PCDH1: variants seen among roughly 807,000 people sequenced by gnomAD.
PCDH1 encodes the protein protocadherin-1.
PCDH1 carries 23 observed loss-of-function variants against 74.6 expected under a neutral mutation model. The observed-to-expected ratio is 0.31, with a 90% CI of 0.22 to 0.44. The LOEUF is 0.44. Ranked by LOEUF, PCDH1 falls within the 20% of genes least tolerant of loss-of-function variation. The pLI, the probability that PCDH1 is intolerant of heterozygous loss-of-function variation, is 1.00. For synonymous variants in PCDH1, 647 were observed against 686.1 expected (o/e 0.94, Z 0.89); for missense variants, 1,214 against 1,641.4 (o/e 0.74, Z 4.50).
In PCDH1 at chr5:141,864,465, C is replaced by T. The variant is rs776986291; in HGVS notation, c.1866G>A (p.Met622Ile). The part of the protein sequence containing the change: ...FMLSGYNFSV[M>I]ENMPALSPVG... The stretch of plus-strand genomic sequence containing the variant: ...CTGGACTCAGTGCTGGCATGTTCTC[C>T]ATCACTGAGAAGTTGTAGCCACTCA... The change falls in exon 3 of 5, where the codon ATG (methionine) becomes ATA (isoleucine). Residue 622 changes from methionine to isoleucine, a missense_variant. Met to Ile is a conservative substitution (Grantham distance 10). Around this residue, in one of 4 missense-constraint regions of PCDH1, gnomAD observed 836 missense variants for 1,182.2 expected, o/e 0.71. Coordinates refer to ENST00000287008, the MANE Select transcript of PCDH1 (RefSeq NM_032420.5). This position sits in a 1 kb window ranked among gnomAD's most constrained non-coding sequence, Gnocchi z 5.9. 1.2e-6 allele frequency: 2 copies of T among 1,614,028 alleles called. No homozygotes were observed. Among genetic ancestry groups the T allele is most frequent in the Admixed American group, 1.7e-5 (1 of 60,004 alleles).
intron 2 of PCDH1, among the ~76,000 whole-genome samples, chr5:141,866,565 CAG>C (rs968739286): frequency 2.0e-5 from 3 of 152,132 alleles, no homozygotes; most frequent in African/African-American, 4.8e-5. Context: ...CATAACTTGG[CAG>C]AGTCTCTGGG....
Position 141,863,848 on chromosome 5 carries a change from T to C in PCDH1, c.2483A>G (p.His828Arg). 1 of 1,614,168 alleles carries C rather than the reference T, an allele frequency of 6.2e-7. No homozygotes were observed. Among genetic ancestry groups the C allele is most frequent in the Non-Finnish European group, 8.5e-7 (1 of 1,180,016 alleles). Residue 828 changes from histidine to arginine, a missense_variant, in exon 3 of 5, where the codon CAC (histidine) becomes CGC (arginine). His to Arg is a conservative substitution (Grantham distance 29). Around this residue, in one of 4 missense-constraint regions of PCDH1, gnomAD observed 836 missense variants for 1,182.2 expected, o/e 0.71. Coordinates refer to ENST00000287008, the MANE Select transcript of PCDH1 (RefSeq NM_032420.5). This position sits in a 1 kb window ranked among gnomAD's most constrained non-coding sequence, Gnocchi z 7.5. ...NRTLLETLLGHSLDTPLDIDI... is the reference protein window; with the variant it reads ...NRTLLETLLGRSLDTPLDIDI... ...AATATCCAGCGGCGTGTCCAGGCTG[T>C]GGCCCAGGAGGGTCTCCAGCAGCGT... is the stretch of plus-strand genomic sequence containing the variant.
chr5:141,856,311 G>A, intron 4 of PCDH1: 1 of 1,495,500 alleles, frequency 6.7e-7, no homozygotes, highest in Non-Finnish European at 9.0e-7. Flanking sequence ...GCGCATGGAG[G>A]GGCGGGGTGG....
Position 141,865,246 on chromosome 5 carries a change from C to T in PCDH1, c.1085G>A (p.Arg362Gln), listed in dbSNP as rs200086291. Reference sequence around the variant, plus strand: ...ACGGGCACTCTTGGGGTTGGTGCCTCGGTCCTTAGCAAGCACTGAGAAGCG... The same window carrying T: ...ACGGGCACTCTTGGGGTTGGTGCCTTGGTCCTTAGCAAGCACTGAGAAGCG... ...TLRFSVLAKD[R>Q]GTNPKSARAQ... Residue 362 changes from arginine to glutamine, a missense_variant, in exon 3 of 5, where the codon CGA (arginine) becomes CAA (glutamine). Physicochemically the swap from Arg to Gln is conservative, Grantham distance 43. Around this residue, in one of 4 missense-constraint regions of PCDH1, gnomAD observed 836 missense variants for 1,182.2 expected, o/e 0.71. Coordinates refer to ENST00000287008, the MANE Select transcript of PCDH1 (RefSeq NM_032420.5). This position sits in a 1 kb window ranked among gnomAD's most constrained non-coding sequence, Gnocchi z 4.4. 791 of 1,614,200 alleles carry T rather than the reference C, an allele frequency of 4.9e-4. No individual in the cohort carries two copies. The highest frequency in any genetic ancestry group is 6.1e-4 in the Non-Finnish European group (722 of 1,180,028).
chr5:141,873,268 GGCAC>G, intron 1 of PCDH1, among the ~76,000 whole-genome samples: 1 of 151,582 alleles, frequency 6.6e-6, no homozygotes, highest in East Asian at 1.9e-4. Flanking sequence ...TGGGACTACA[GGCAC>G]GTGCCACCAC....
At chr5:141,871,541 G>A (rs1222821872) in intron 1 of PCDH1, among the ~76,000 whole-genome samples, 1 of 152,184 alleles carries the variant, frequency 6.6e-6, no homozygotes, top group African/African-American at 2.4e-5. Flanking sequence ...CTGTAAAATG[G>A]GGATAATACT....
intron 4 of PCDH1, among the ~76,000 whole-genome samples, chr5:141,855,440 C>A (rs150238388): frequency 6.6e-6 from 1 of 152,090 alleles, no homozygotes; most frequent in Non-Finnish European, 1.5e-5. Context: ...GTTGAGGAAA[C>A]CTCCATCCTC....
At chr5:141,870,284 A>G (rs1753056675) in intron 1 of PCDH1, among the ~76,000 whole-genome samples, 1 of 152,176 alleles carries the variant, frequency 6.6e-6, no homozygotes, top group Non-Finnish European at 1.5e-5. Flanking sequence ...GCATGCACAC[A>G]TGCCCCAGAG....
intron 1 of PCDH1, among the ~76,000 whole-genome samples, chr5:141,877,088 C>T (rs1437781569): frequency 6.6e-6 from 1 of 152,170 alleles, no homozygotes; most frequent in African/African-American, 2.4e-5. Flanking sequence ...CGTGGCGGGG[C>T]GCTTGGGGCT....
At chr5:141,862,346 G>C (rs1016111736) in intron 3 of PCDH1, among the ~76,000 whole-genome samples, 5 of 152,186 alleles carry the variant, frequency 3.3e-5, no homozygotes, top group Admixed American at 1.3e-4. Flanking sequence ...CTTGGGTATA[G>C]CTCCACCTGC....
intron 1 of PCDH1, among the ~76,000 whole-genome samples, chr5:141,872,333 G>T (rs1365576925): frequency 2.0e-5 from 3 of 152,240 alleles, no homozygotes; most frequent in Non-Finnish European, 4.4e-5. Flanking sequence ...GAGGCGTTAT[G>T]TGGGAAGCCC....
intron 1 of PCDH1, among the ~76,000 whole-genome samples, chr5:141,873,004 G>A (rs975897510): frequency 6.6e-6 from 1 of 152,166 alleles, no homozygotes; most frequent in Admixed American, 6.5e-5. Context: ...CCCACCCTTA[G>A]GAATCTTTAT....
chr5:141,867,321 T>G, intron 2 of PCDH1: 1 of 239,720 alleles, frequency 4.2e-6, no homozygotes. Flanking sequence ...CACTGGGAGG[T>G]GGTAAAGCTC....
Position 141,864,552 on chromosome 5 carries a change from C to T in PCDH1, c.1779G>A (p.Gln593=). The T allele has an allele frequency of 6.2e-7, 1 of 1,614,072 alleles. No homozygotes were observed. ...VAADRGSPSL[Q]GTATVLVNVL... ...CATTGACAAGGACAGTGGCTGTGCC[C>T]TGGAGGCTAGGACTGCCCCGGTCAG... is the stretch of plus-strand genomic sequence containing the variant. Residue 593 remains glutamine, a synonymous_variant, in exon 3 of 5, where the codon CAG becomes CAA. Coordinates refer to ENST00000287008, the MANE Select transcript of PCDH1 (RefSeq NM_032420.5). This position sits in a 1 kb window ranked among gnomAD's most constrained non-coding sequence, Gnocchi z 5.9.
At chr5:141,855,178 T>C (rs1441052969) in intron 4 of PCDH1, among the ~76,000 whole-genome samples, 1 of 152,054 alleles carries the variant, frequency 6.6e-6, no homozygotes. Context: ...TTAAGCCATG[T>C]TGCCCAGGCT....
At chr5:141,856,408 G>T (rs1752340928) in intron 4 of PCDH1, 3 of 802,626 alleles carry the variant, frequency 3.7e-6, no homozygotes, top group South Asian at 1.5e-5. Flanking sequence ...TGAGGCAGGG[G>T]AGTGAAACCT....
At chr5:141,866,033 T>C (rs1752813791) in intron 2 of PCDH1, 2 of 987,900 alleles carry the variant, frequency 2.0e-6, no homozygotes, top group South Asian at 9.3e-5. Flanking sequence ...TATATGTGTT[T>C]GTGCATATGT....
Position 141,865,926 on chromosome 5 carries a change from G to A in PCDH1, c.904-499C>T. On this transcript the variant is annotated intron_variant, in intron 2 of 4. Coordinates refer to ENST00000287008, the MANE Select transcript of PCDH1 (RefSeq NM_032420.5). The surrounding 1 kb of genome is among the most constrained non-coding windows in gnomAD (Gnocchi z 4.4). ...TGTGTATGATTGTGTCAGAATGTGTGATTAAATGTGATATGTTTGTGTGAG... is the reference window on the plus strand; with the variant it reads ...TGTGTATGATTGTGTCAGAATGTGTAATTAAATGTGATATGTTTGTGTGAG... 1 of 511,600 alleles carries A rather than the reference G, an allele frequency of 2.0e-6. No homozygotes were observed. The highest frequency in any genetic ancestry group is 2.6e-6 in the Non-Finnish European group (1 of 388,808). 31.7% of individuals were successfully genotyped at this position (511,600 alleles called of 1,614,324 possible).
chr5:141,866,396 G>A (rs1202513289), intron 2 of PCDH1, among the ~76,000 whole-genome samples: 1 of 152,220 alleles, frequency 6.6e-6, no homozygotes, highest in East Asian at 1.9e-4. Flanking sequence ...ACTCCAACGC[G>A]CACTCGACTC....
Sources: gnomAD v4.1 joint callset for allele counts (sites outside exome capture counted in the v4.1 genomes callset) on GRCh38, gnomAD v4.1.1 for gene constraint, gnomAD v4.1.1 regional missense constraint, Gnocchi (gnomAD v3.1) non-coding constraint, MANE v1.5 for transcripts, NCBI Gene and HGNC (gene_info 2026-07-23, HGNC 2026-07-21) for gene names.